Variants in ARFGEF2 observed in about 807,000 individuals in gnomAD.
The protein encoded by ARFGEF2 is ARF guanine nucleotide exchange factor 2, also known as brefeldin A-inhibited guanine nucleotide-exchange protein 2.
In ARFGEF2, 74 loss-of-function variants were observed where a neutral mutation model predicts 219.9. That is an observed-to-expected ratio of 0.34 (90% confidence interval 0.28 to 0.41). ARFGEF2 has a LOEUF of 0.41. Ranked by LOEUF, ARFGEF2 falls within the 10% of genes least tolerant of loss-of-function variation. The pLI, the probability that ARFGEF2 is intolerant of heterozygous loss-of-function variation, is 1.00. For synonymous variants in ARFGEF2, 733 were observed against 799.2 expected, an observed-to-expected ratio of 0.92 and a Z score of 1.40; for missense variants, 1,743 against 2,218.3, an observed-to-expected ratio of 0.79 and a Z score of 4.30.
At chr20:48,931,966 G>T (rs1017103537) in intron 1 of ARFGEF2, among the ~76,000 whole-genome samples, 4 of 152,200 alleles carry the variant, frequency 2.6e-5, no homozygotes, top group African/African-American at 9.6e-5. Flanking sequence ...GGGGTGGAAG[G>T]GAGGATAATT....
In ARFGEF2 at chr20:48,921,835, C is replaced by T. The variant is rs1165920072; in HGVS notation, c.-55C>T. Reference sequence around the variant, plus strand: ...ACGCCGGGCCCGCAGCCTAGCTCGCCATCTCGCTCACGCCGCCCGCCCGCG... The same window carrying T: ...ACGCCGGGCCCGCAGCCTAGCTCGCTATCTCGCTCACGCCGCCCGCCCGCG... On this transcript the variant is annotated 5_prime_UTR_variant, in exon 1 of 39. Coordinates refer to ENST00000371917, the MANE Select transcript of ARFGEF2 (RefSeq NM_006420.3). The T allele has an allele frequency of 1.4e-6, 2 of 1,451,880 alleles. No individual in the cohort carries two copies. Among genetic ancestry groups the T allele is most frequent in the African/African-American group, 1.5e-5 (1 of 66,950 alleles). 89.9% of individuals were successfully genotyped at this position (1,451,880 alleles called of 1,614,324 possible). A position where few individuals can be genotyped will look rare whatever the true frequency, so the allele number is the denominator to read the frequency against.
At chr20:49,010,178 T>G in intron 26 of ARFGEF2, 54 bp from the exon 27 acceptor site, 4 of 1,580,588 alleles carry the variant, frequency 2.5e-6, no homozygotes, top group Non-Finnish European at 2.6e-6. Context: ...TATGTTCATT[T>G]CTCTTCCCAT....
At chr20:48,922,547 G>A (rs1320896705) in intron 1 of ARFGEF2, among the ~76,000 whole-genome samples, 1 of 152,260 alleles carries the variant, frequency 6.6e-6, no homozygotes, top group African/African-American at 2.4e-5. Context: ...AGGCATTGTA[G>A]TGAGCAAGAC....
intron 3 of ARFGEF2, among the ~76,000 whole-genome samples, chr20:48,946,655 A>C (rs2091029956): frequency 6.6e-6 from 1 of 151,954 alleles, no homozygotes; most frequent in Non-Finnish European, 1.5e-5. Context: ...CCTCCCAAGT[A>C]GCTGGGACCA....
intron 21 of ARFGEF2, among the ~76,000 whole-genome samples, chr20:48,991,465 T>A (rs1408154944): frequency 7.6e-6 from 1 of 130,844 alleles, no homozygotes; most frequent in African/African-American, 2.8e-5. Context: ...ATTAGTGCCA[T>A]TTTTTTTTTT....
intron 3 of ARFGEF2, among the ~76,000 whole-genome samples, chr20:48,949,370 G>A (rs1432337285): frequency 6.6e-6 from 1 of 152,286 alleles, no homozygotes; most frequent in African/African-American, 2.4e-5. Context: ...TCTGTTAGAT[G>A]TAAGAACAAG....
intron 6 of ARFGEF2, among the ~76,000 whole-genome samples, chr20:48,959,891 A>C (rs1029166247): frequency 1.3e-5 from 2 of 151,966 alleles, no homozygotes; most frequent in African/African-American, 4.8e-5. Flanking sequence ...ATGAGCCACC[A>C]TGCCCCACCA....
intron 1 of ARFGEF2, among the ~76,000 whole-genome samples, chr20:48,934,641 G>C (rs1006889722): frequency 2.6e-5 from 4 of 152,180 alleles, no homozygotes; most frequent in Non-Finnish European, 5.9e-5. Flanking sequence ...TGCTGAGAAT[G>C]ATGGCTTCCA....
In ARFGEF2 at chr20:48,985,626, T is replaced by G; in HGVS notation, c.2276+13T>G. 6.2e-7 allele frequency: 1 copy of G among 1,613,566 alleles called. No individual in the cohort carries two copies. Among genetic ancestry groups the G allele is most frequent in the Non-Finnish European group, 8.5e-7 (1 of 1,179,736 alleles). On this transcript the variant is annotated intron_variant, in intron 16 of 38. Coordinates refer to ENST00000371917, the MANE Select transcript of ARFGEF2 (RefSeq NM_006420.3). ...AATGCAACCAAGGGTGAGCGCCGAT[T>G]TTGAGTCCCTTCCAGATCATCTGTT...
In ARFGEF2 at chr20:48,961,960, C is replaced by T. The variant is rs573550772; in HGVS notation, c.839-1870C>T. Among the ~76,000 whole-genome samples, 10 of 150,008 alleles carry T rather than the reference C, an allele frequency of 6.7e-5. No individual in the cohort carries two copies. In the South Asian group the frequency reaches 1.9e-3, roughly 28 times the overall value. ...TTGGGAGGCCGAGGTGGGTGGATCA[C>T]CTGAGGCTGGGAGTTCAAGACTAGC... On this transcript the variant is annotated intron_variant, in intron 6 of 38. Transcript: ENST00000371917.
intron 14 of ARFGEF2, among the ~76,000 whole-genome samples, chr20:48,976,455 AACCAATTTAGAAAAT>A (rs1258995095): frequency 6.6e-6 from 1 of 152,248 alleles, no homozygotes; most frequent in East Asian, 1.9e-4. Flanking sequence ...AAAATAATAA[AACCAATTTAGAAAAT>A]ACAGAAAAGT....
intron 14 of ARFGEF2, among the ~76,000 whole-genome samples, chr20:48,982,962 G>A (rs370892411): frequency 3.3e-5 from 5 of 152,254 alleles, no homozygotes; most frequent in African/African-American, 1.2e-4. Context: ...CGGGTAAAGC[G>A]ATGCCCCGCC....
At chr20:48,961,445 C>T (rs1055810501) in intron 6 of ARFGEF2, among the ~76,000 whole-genome samples, 1 of 151,872 alleles carries the variant, frequency 6.6e-6, no homozygotes. Context: ...GGGGCAATAA[C>T]ACACATGAAG....
intron 35 of ARFGEF2, among the ~76,000 whole-genome samples, chr20:49,023,537 GT>G (rs1042862329): frequency 1.0e-4 from 5 of 50,024 alleles, no homozygotes; most frequent in Non-Finnish European, 1.5e-4. Context: ...TTTTTTTTTT[GT>G]TTTTTTTTTT....
intron 26 of ARFGEF2, among the ~76,000 whole-genome samples, chr20:49,007,333 A>T (rs1191991063): frequency 2.1e-5 from 3 of 142,048 alleles, no homozygotes; most frequent in Non-Finnish European, 4.5e-5. Flanking sequence ...CTTTTTGCCG[A>T]GGCTGGAGTG....
intron 1 of ARFGEF2, among the ~76,000 whole-genome samples, chr20:48,936,000 T>C (rs1215295817): frequency 1.9e-5 from 2 of 103,334 alleles, no homozygotes; most frequent in Non-Finnish European, 3.8e-5. Flanking sequence ...GCAGAGGGGC[T>C]CCTCACTTCC....
chr20:48,994,380 A>G (rs2091374125), intron 21 of ARFGEF2, 71 bp from the exon 22 acceptor site: 1 of 1,597,172 alleles, frequency 6.3e-7, no homozygotes, highest in South Asian at 1.1e-5. Context: ...TTAATGACTA[A>G]CTTAAGATTA....
chr20:48,925,585 C>G (rs1351052782), intron 1 of ARFGEF2, among the ~76,000 whole-genome samples: 3 of 151,990 alleles, frequency 2.0e-5, no homozygotes, highest in African/African-American at 7.3e-5. Context: ...CCTGTAATTC[C>G]AGCGCTTTAG....
chr20:48,952,903 G>A lies in ARFGEF2; in HGVS notation c.603+19G>A, dbSNP rs764667465. ...CCAAGTGGTGAGTGACAGCACTTACGTGCTAGGGGCAAGACATCATTGCTC... is the reference window on the plus strand; with the variant it reads ...CCAAGTGGTGAGTGACAGCACTTACATGCTAGGGGCAAGACATCATTGCTC... On this transcript the variant is annotated intron_variant, in intron 5 of 38. Coordinates refer to ENST00000371917, the MANE Select transcript of ARFGEF2 (RefSeq NM_006420.3). The A allele has an allele frequency of 3.7e-6, 6 of 1,613,192 alleles. No individual in the cohort carries two copies. Among genetic ancestry groups the A allele is most frequent in the South Asian group, 1.1e-5 (1 of 91,060 alleles).
Sources: allele counts gnomAD v4.1 joint callset (sites outside exome capture counted in the v4.1 genomes callset), GRCh38; gene constraint gnomAD v4.1.1; transcripts MANE v1.5; gene names NCBI Gene and HGNC (gene_info 2026-07-23, HGNC 2026-07-21).